Variants in CTSB observed in about 807,000 individuals in gnomAD.
CTSB encodes the protein APP secretase.
A neutral mutation model predicts 44.3 loss-of-function variants in CTSB; 57 were observed. The ratio of observed to expected loss-of-function variants is 1.29; its 90% CI spans 1.04 to 1.60. CTSB has a LOEUF of 1.60. Ranked by LOEUF, CTSB falls within the 40% of genes most tolerant of loss-of-function variation. The pLI, the probability that CTSB is intolerant of heterozygous loss-of-function variation, is 0.00. For missense variants in CTSB, 768 were observed against 443.0 expected, an observed-to-expected ratio of 1.73 and a Z score of -6.59; for synonymous variants, 320 against 168.0, an observed-to-expected ratio of 1.91 and a Z score of -7.00.
chr8:11,848,216 G>GT, intron 5 of CTSB, 64 bp from the exon 6 acceptor site: 1 of 1,474,418 alleles, frequency 6.8e-7, no homozygotes, highest in Non-Finnish European at 9.5e-7. Flanking sequence ...AGACCACTGT[G>GT]TGCTACCCAA....
chr8:11,848,432 C>A (rs1460490607), intron 5 of CTSB: 2 of 550,530 alleles, frequency 3.6e-6, no homozygotes, highest in Non-Finnish European at 6.8e-6. Context: ...TACGAGTGCC[C>A]TTCCGGGTAG....
rs1816320603 is a variant in CTSB, at chr8:11,860,963, G to C, written c.-26+7038C>G. 2.0e-5 allele frequency among the ~76,000 whole-genome samples: 3 copies of C among 152,192 alleles called. No homozygotes were observed. The South Asian group carries it at 6.2e-4, about 32-fold the overall frequency. On this transcript the variant is annotated intron_variant, in intron 1 of 9. Coordinates refer to ENST00000353047, the MANE Select transcript of CTSB (RefSeq NM_001908.5). ...TCAATGCTGGAGCAGCCCTGCACTG[G>C]GTGGGAGTGTGCTGACCTCAACTAT... is the stretch of plus-strand genomic sequence containing the variant.
rs970376870 is a variant in CTSB, at chr8:11,860,437, C to T, written c.-25-6958G>A. Among the ~76,000 whole-genome samples the T allele has an allele frequency of 3.9e-5, 6 of 152,266 alleles. No homozygotes were observed. In the East Asian group the frequency reaches 1.2e-3, roughly 29 times the overall value. ...AGGAGTTCGAGACCAGCCTGGCTAA[C>T]ATGGTGAAATCCCATTTCTACTAAA... On this transcript the variant is annotated intron_variant, in intron 1 of 9. Transcript: ENST00000353047.
chr8:11,850,718 T>A (rs1446721148), intron 4 of CTSB, 148 bp downstream of exon 4: 6 of 554,896 alleles, frequency 1.1e-5, no homozygotes, highest in Non-Finnish European at 1.6e-5. Context: ...CCAGAGGGAT[T>A]GTGATTTTTG....
intron 7 of CTSB, 110 bp from the exon 8 acceptor site, chr8:11,847,278 T>A (rs772035893): frequency 1.2e-5 from 9 of 736,166 alleles, no homozygotes; most frequent in Admixed American, 1.9e-5. Context: ...AGACTGCATC[T>A]AAGGGGACTT....
intron 2 of CTSB, among the ~76,000 whole-genome samples, 159 bp downstream of exon 2, chr8:11,853,170 G>A (rs951395925): frequency 6.6e-6 from 1 of 151,932 alleles, no homozygotes; most frequent in Admixed American, 6.6e-5. Flanking sequence ...GGAGGGAGGC[G>A]TGGTCCAGAG....
intron 5 of CTSB, chr8:11,848,454 T>G (rs1204828839): frequency 2.0e-6 from 1 of 490,526 alleles, no homozygotes; most frequent in Non-Finnish European, 3.8e-6. Context: ...ACACTGATTC[T>G]CAACTGAGCA....
chr8:11,865,598 A>C (rs916550777), intron 1 of CTSB: 1 of 151,246 alleles, frequency 6.6e-6, no homozygotes, highest in Non-Finnish European at 1.5e-5. Context: ...AAAAAAAAAA[A>C]GGAGAGAGAG....
chr8:11,867,668 C>T (rs1817361489), intron 1 of CTSB: 1 of 152,256 alleles, frequency 6.6e-6, no homozygotes, highest in Non-Finnish European at 1.5e-5. Context: ...AGCTCTTCCT[C>T]GCAGGCGCCT....
intron 1 of CTSB, chr8:11,861,561 C>A (rs1365204471): frequency 6.6e-6 from 1 of 152,302 alleles, no homozygotes. Flanking sequence ...CTTGAAACAG[C>A]AGACACTACG....
At chr8:11,852,757 C>G in intron 2 of CTSB, 62 bp from the exon 3 acceptor site, 1 of 1,481,496 alleles carries the variant, frequency 6.7e-7, no homozygotes, top group Non-Finnish European at 9.4e-7. Flanking sequence ...GGGCACGCTG[C>G]CCACACACGA....
chr8:11,849,250 C>T, intron 4 of CTSB, 86 bp from the exon 5 acceptor site: 2 of 1,007,310 alleles, frequency 2.0e-6, no homozygotes, highest in Non-Finnish European at 3.1e-6. Context: ...ACAGGGGCAC[C>T]TCAGACCTTG....
intron 5 of CTSB, 103 bp from the exon 6 acceptor site, chr8:11,848,255 C>A (rs1813829590): frequency 2.0e-6 from 2 of 975,888 alleles, no homozygotes; most frequent in African/African-American, 3.2e-5. Flanking sequence ...GGACCCACCC[C>A]CAGCTGCAGC....
intron 1 of CTSB, among the ~76,000 whole-genome samples, chr8:11,861,685 T>G (rs1476055834): frequency 1.4e-4 from 21 of 152,242 alleles, no homozygotes; most frequent in Admixed American, 1.4e-3. Context: ...ACTGACTTGC[T>G]CAGATGCTGA....
In CTSB at chr8:11,843,485, C is replaced by A. The variant is rs1331186077; in HGVS notation, c.*1640G>T. The A allele has an allele frequency of 2.0e-5, 3 of 152,202 alleles. No individual in the cohort carries two copies. The highest frequency in any genetic ancestry group is 7.2e-5 in the African/African-American group (3 of 41,426). 9.4% of individuals were successfully genotyped at this position (152,202 alleles called of 1,614,324 possible). ...GCTGGTTCTTCTAGTTTGCTCTATA[C>A]CAAGAACTGCTATAACATGTTTCTA... On this transcript the variant is annotated 3_prime_UTR_variant, in exon 10 of 10. Coordinates refer to ENST00000353047, the MANE Select transcript of CTSB (RefSeq NM_001908.5).
At chr8:11,854,347 A>C (rs537454494) in intron 1 of CTSB, among the ~76,000 whole-genome samples, 1 of 152,322 alleles carries the variant, frequency 6.6e-6, no homozygotes, top group Admixed American at 6.5e-5. Flanking sequence ...TGAAAGTCAC[A>C]GGACTGCGGT....
At chr8:11,858,789 G>A (rs1267269308) in intron 1 of CTSB, among the ~76,000 whole-genome samples, 1 of 152,208 alleles carries the variant, frequency 6.6e-6, no homozygotes, top group Non-Finnish European at 1.5e-5. Flanking sequence ...CTGGACAAAT[G>A]CAGATGGTGA....
chr8:11,857,971 CTTG>C (rs1815788786), intron 1 of CTSB: 1 of 152,310 alleles, frequency 6.6e-6, no homozygotes, highest in Non-Finnish European at 1.5e-5. Flanking sequence ...GAGCCCTGCA[CTTG>C]GAGTCAGGAG....
At chr8:11,847,013 G>A (rs553162881) in intron 8 of CTSB, 39 bp downstream of exon 8, 26 of 643,048 alleles carry the variant, frequency 4.0e-5, no homozygotes, top group South Asian at 1.7e-4. Flanking sequence ...CTCCCCTCCC[G>A]ACCCCCACCC....
Sources: gnomAD v4.1 joint callset for allele counts (sites outside exome capture counted in the v4.1 genomes callset) on GRCh38, gnomAD v4.1.1 for gene constraint, MANE v1.5 for transcripts, NCBI Gene and HGNC (gene_info 2026-07-23, HGNC 2026-07-21) for gene names.